EEPD1: variants seen among roughly 807,000 people sequenced by gnomAD.
The protein encoded by EEPD1 is endonuclease/exonuclease/phosphatase family domain containing 1.
EEPD1 carries 17 observed loss-of-function variants against 46.3 expected under a neutral mutation model. The observed-to-expected ratio is 0.37, with a 90% confidence interval of 0.25 to 0.55. EEPD1 has a LOEUF of 0.55. Among genes scored for constraint, EEPD1 ranks in the 20% least tolerant of loss-of-function variants. The pLI, the probability that EEPD1 is intolerant of heterozygous loss-of-function variation, is 0.83. For missense variants in EEPD1, 673 were observed against 745.6 expected, an observed-to-expected ratio of 0.90 and a Z score of 1.13; for synonymous variants, 313 against 315.6, an observed-to-expected ratio of 0.99 and a Z score of 0.09.
At chr7:36,289,485 A>G (rs911743071) in intron 6 of EEPD1, among the ~76,000 whole-genome samples, 2 of 152,138 alleles carry the variant, frequency 1.3e-5, no homozygotes, top group African/African-American at 4.8e-5. Context: ...AGGTTCATCC[A>G]TGTTGTAGCA....
At chr7:36,192,218 C>G (rs150376860) in intron 2 of EEPD1, among the ~76,000 whole-genome samples, 2 of 152,224 alleles carry the variant, frequency 1.3e-5, no homozygotes, top group Non-Finnish European at 2.9e-5. Context: ...TGAGCAGTGA[C>G]GCATCCACAG....
chr7:36,203,578 G>T (rs1291593115), intron 2 of EEPD1, among the ~76,000 whole-genome samples: 1 of 152,176 alleles, frequency 6.6e-6, no homozygotes, highest in Admixed American at 6.5e-5. Flanking sequence ...CATTTTTAAA[G>T]GCTGCCTTGT....
At chr7:36,224,232 G>A (rs936069408) in intron 2 of EEPD1, among the ~76,000 whole-genome samples, 2 of 152,196 alleles carry the variant, frequency 1.3e-5, no homozygotes, top group African/African-American at 4.8e-5. Context: ...GACTTTTACT[G>A]TTCATCATCA....
At chr7:36,288,399 A>T (rs1435269590) in intron 6 of EEPD1, among the ~76,000 whole-genome samples, 1 of 152,152 alleles carries the variant, frequency 6.6e-6, no homozygotes, top group African/African-American at 2.4e-5. Context: ...AATACCAAGC[A>T]CATAGTAGGG....
chr7:36,190,046 T>C (rs573430779), intron 2 of EEPD1, among the ~76,000 whole-genome samples: 48 of 151,920 alleles, frequency 3.2e-4, no homozygotes, highest in African/African-American at 1.1e-3. Context: ...AGCGTGGAAG[T>C]TTCCTTTTGC....
chr7:36,300,886 A>G lies in EEPD1; in HGVS notation c.*1680A>G, dbSNP rs939480160. 6.6e-6 allele frequency: 1 copy of G among 152,382 alleles called. No homozygotes were observed. Among genetic ancestry groups the G allele is most frequent in the African/African-American group, 2.4e-5 (1 of 41,466 alleles). 9.4% of individuals were successfully genotyped at this position (152,382 alleles called of 1,614,324 possible). A position where few individuals can be genotyped will look rare whatever the true frequency, so the allele number is the denominator to read the frequency against. ...CCTGGGTTCAGGCTGTGCTTCTGGAAGCATCGAAATGGGATGTCTGAGCCT... is the reference window on the plus strand; with the variant it reads ...CCTGGGTTCAGGCTGTGCTTCTGGAGGCATCGAAATGGGATGTCTGAGCCT... On this transcript the variant is annotated 3_prime_UTR_variant, in exon 8 of 8. Transcript: ENST00000242108.
intron 1 of EEPD1, among the ~76,000 whole-genome samples, 151 bp downstream of exon 1, chr7:36,153,825 G>T (rs778579804): frequency 1.3e-4 from 20 of 152,174 alleles, no homozygotes; most frequent in Non-Finnish European, 1.2e-4. Context: ...CCGTCTGCGC[G>T]AGCCCAAGTG....
At chr7:36,244,767 A>ATTT (rs140539379) in intron 3 of EEPD1, among the ~76,000 whole-genome samples, 7 of 108,398 alleles carry the variant, frequency 6.5e-5, no homozygotes, top group East Asian at 2.5e-4. Context: ...TTCAGAGTTG[A>ATTT]TTTTTTTTTT....
chr7:36,198,342 G>GAAAAAAAAAAAAAAAAAAA (rs1361024411), intron 2 of EEPD1, among the ~76,000 whole-genome samples: 16 of 33,082 alleles, frequency 4.8e-4, no homozygotes, highest in East Asian at 1.4e-3. Flanking sequence ...AAAAAGAAAA[G>GAAAAAAAAAAAAAAAAAAA]AAAAAAAAAA....
rs1023113307 is a variant in EEPD1 at position 36,154,222 on chromosome 7, C to T, written c.-103C>T. ...ACCTCTTCAGTCCCTGAATCCTGCACCTTCCGTTTTTCTGTGCTTGTACGG... is the reference window on the plus strand; with the variant it reads ...ACCTCTTCAGTCCCTGAATCCTGCATCTTCCGTTTTTCTGTGCTTGTACGG... On this transcript the variant is annotated 5_prime_UTR_variant, in exon 2 of 8. Transcript: ENST00000242108. This position sits in a 1 kb window ranked among gnomAD's most constrained non-coding sequence, Gnocchi z 4.2. 5.7e-6 allele frequency: 8 copies of T among 1,392,110 alleles called. No homozygotes were observed. Among genetic ancestry groups the T allele is most frequent in the African/African-American group, 1.4e-5 (1 of 69,068 alleles). 86.2% of individuals were successfully genotyped at this position (1,392,110 alleles called of 1,614,324 possible). A position where few individuals can be genotyped will look rare whatever the true frequency, so the allele number is the denominator to read the frequency against.
chr7:36,280,610 CA>C (rs1415810124), intron 3 of EEPD1, among the ~76,000 whole-genome samples: 2 of 152,224 alleles, frequency 1.3e-5, no homozygotes, highest in Non-Finnish European at 2.9e-5. Context: ...GGTGCAGCAG[CA>C]GCTCTCCGCA....
At chr7:36,209,089 G>A (rs1327332929) in intron 2 of EEPD1, among the ~76,000 whole-genome samples, 1 of 152,154 alleles carries the variant, frequency 6.6e-6, no homozygotes, top group African/African-American at 2.4e-5. Flanking sequence ...TGAAGTGGGG[G>A]TAATAACAAT....
intron 2 of EEPD1, among the ~76,000 whole-genome samples, chr7:36,158,765 C>T (rs1784861522): frequency 6.6e-6 from 1 of 152,076 alleles, no homozygotes; most frequent in Admixed American, 6.6e-5. Flanking sequence ...GGAGGTAGTC[C>T]ACATCTGGAA....
At chr7:36,244,175 A>C (rs1786600692) in intron 3 of EEPD1, among the ~76,000 whole-genome samples, 1 of 152,114 alleles carries the variant, frequency 6.6e-6, no homozygotes, top group Non-Finnish European at 1.5e-5. Flanking sequence ...TCAAATGACA[A>C]CCTGCCTTTG....
Position 36,299,561 on chromosome 7 carries a change from C to T in EEPD1, c.*355C>T, listed in dbSNP as rs1226786284. The T allele has an allele frequency of 4.1e-5, 12 of 295,406 alleles. No individual in the cohort carries two copies. The highest frequency in any genetic ancestry group is 7.7e-5 in the Non-Finnish European group (12 of 155,556). The allele number at this position is 295,406 out of a possible 1,614,324, so 18.3% of individuals were successfully genotyped here. On this transcript the variant is annotated 3_prime_UTR_variant, in exon 8 of 8. Transcript: ENST00000242108. ...AGGAGAAGAAGGGGTGCTCAGGCTG[C>T]GGGCCACAGTCCAGCAGCGCCAGAA...
chr7:36,268,897 G>A (rs1310318677), intron 3 of EEPD1, among the ~76,000 whole-genome samples: 1 of 152,182 alleles, frequency 6.6e-6, no homozygotes, highest in African/African-American at 2.4e-5. Context: ...CAAAACTCTT[G>A]GTAAGTGGTA....
chr7:36,288,572 G>A (rs945466222), intron 6 of EEPD1, among the ~76,000 whole-genome samples: 1 of 152,066 alleles, frequency 6.6e-6, no homozygotes, highest in African/African-American at 2.4e-5. Context: ...AGCAGCTTGG[G>A]CAACATAGTG....
intron 2 of EEPD1, among the ~76,000 whole-genome samples, chr7:36,228,025 G>A (rs536479843): frequency 1.3e-5 from 2 of 152,156 alleles, no homozygotes; most frequent in South Asian, 2.1e-4. Flanking sequence ...TGGGAGGATC[G>A]CTTGAGCCCA....
At chr7:36,292,354 TTTTTC>T (rs985201783) in intron 6 of EEPD1, among the ~76,000 whole-genome samples, 20 of 149,206 alleles carry the variant, frequency 1.3e-4, no homozygotes, top group East Asian at 3.9e-4. Context: ...CTTTCTTTCT[TTTTTC>T]TTTTCTTTTC....
Sources: allele counts gnomAD v4.1 joint callset (sites outside exome capture counted in the v4.1 genomes callset), GRCh38; gene constraint gnomAD v4.1.1; non-coding constraint Gnocchi (gnomAD v3.1); transcripts MANE v1.5; gene names NCBI Gene and HGNC (gene_info 2026-07-23, HGNC 2026-07-21).